The following PELI2 variants were observed in gnomAD, a reference collection of about 807,000 sequenced individuals.
The protein encoded by PELI2 is E3 ubiquitin-protein ligase pellino homolog 2.
Under a neutral mutation model 42.3 loss-of-function variants are expected in PELI2, and 23 were observed. That is an observed-to-expected ratio of 0.54 (90% CI 0.39 to 0.77). PELI2 has a LOEUF of 0.77. Ranked by LOEUF, PELI2 falls within the 30% of genes least tolerant of loss-of-function variation. The pLI, the probability that PELI2 is intolerant of heterozygous loss-of-function variation, is 0.00. For synonymous variants in PELI2, 245 were observed against 212.2 expected, an observed-to-expected ratio of 1.15 and a Z score of -1.34; for missense variants, 463 against 553.2, an observed-to-expected ratio of 0.84 and a Z score of 1.64.
chr14:56,122,580 A>G (rs1249143452), intron 1 of PELI2, among the ~76,000 whole-genome samples: 1 of 149,138 alleles, frequency 6.7e-6, no homozygotes, highest in Non-Finnish European at 1.5e-5. Context: ...AGTTGAATGG[A>G]TAATGCATTT....
intron 2 of PELI2, among the ~76,000 whole-genome samples, chr14:56,276,187 A>G (rs1205902622): frequency 1.3e-5 from 2 of 152,192 alleles, no homozygotes; most frequent in African/African-American, 2.4e-5. Flanking sequence ...GGAAAGTGAA[A>G]ATTGATCTCA....
chr14:56,169,093 T>C (rs372132675), intron 1 of PELI2, among the ~76,000 whole-genome samples: 2 of 152,290 alleles, frequency 1.3e-5, no homozygotes, highest in Middle Eastern at 3.4e-3. Context: ...CTCTCTTCAG[T>C]TGGACAGAAG....
intron 1 of PELI2, among the ~76,000 whole-genome samples, chr14:56,147,689 A>G (rs1884180930): frequency 6.6e-6 from 1 of 152,256 alleles, no homozygotes; most frequent in Admixed American, 6.5e-5. Context: ...GGCTAAAACA[A>G]CATCGTTATA....
chr14:56,155,182 A>G (rs1341936666), intron 1 of PELI2, among the ~76,000 whole-genome samples: 2 of 150,760 alleles, frequency 1.3e-5, no homozygotes, highest in African/African-American at 4.9e-5. Context: ...GTAATTTTAT[A>G]ATTTTTGATA....
intron 3 of PELI2, among the ~76,000 whole-genome samples, chr14:56,282,424 G>T (rs1321514024): frequency 6.6e-6 from 1 of 151,814 alleles, no homozygotes; most frequent in Non-Finnish European, 1.5e-5. Flanking sequence ...ATGGTAAAAT[G>T]GTTTAAATCA....
chr14:56,180,728 C>G lies in PELI2; in HGVS notation c.207+2264C>G, dbSNP rs1566623464. ...TGGCACCTTCTACCTTGGCGCCCCC[C>G]ATCTACCTCTTCCGCCCCTTACTCC... is the stretch of plus-strand genomic sequence containing the variant. On this transcript the variant is annotated intron_variant, in intron 2 of 5. Transcript: ENST00000267460. The surrounding 1 kb of genome is among the most constrained non-coding windows in gnomAD (Gnocchi z 4.4). Among the ~76,000 whole-genome samples the G allele has an allele frequency of 6.6e-6, 1 of 151,756 alleles. No homozygotes were observed. Among genetic ancestry groups the G allele is most frequent in the Non-Finnish European group, 1.5e-5 (1 of 67,918 alleles).
intron 2 of PELI2, among the ~76,000 whole-genome samples, chr14:56,257,255 G>A (rs1888558119): frequency 6.6e-6 from 1 of 152,184 alleles, no homozygotes; most frequent in Non-Finnish European, 1.5e-5. Flanking sequence ...CATAGAAGAT[G>A]ATCCTACCCC....
intron 2 of PELI2, among the ~76,000 whole-genome samples, chr14:56,193,210 G>GAGGC (rs1264932714): frequency 6.6e-6 from 1 of 152,182 alleles, no homozygotes; most frequent in Non-Finnish European, 1.5e-5. Flanking sequence ...CCCAGAGTTG[G>GAGGC]AGGCACATTT....
chr14:56,240,045 C>G (rs941325520), intron 2 of PELI2, among the ~76,000 whole-genome samples: 1 of 152,180 alleles, frequency 6.6e-6, no homozygotes, highest in Non-Finnish European at 1.5e-5. Flanking sequence ...CCTCTGGGAA[C>G]TTCCAGTCCC....
rs561288052 is a variant in PELI2, at chr14:56,178,548, G to A, written c.207+84G>A. 5.2e-5 allele frequency: 75 copies of A among 1,441,808 alleles called. 1 individual carries two copies. The highest frequency in any genetic ancestry group is 1.3e-4 in the South Asian group (11 of 84,552). 89.3% of individuals were successfully genotyped at this position (1,441,808 alleles called of 1,614,324 possible). A position where few individuals can be genotyped will look rare whatever the true frequency, so the allele number is the denominator to read the frequency against. ...CTTGTCCGCTGCTCTCTTTCCTTTC[G>A]TCTTTTCATGTAGGACAGTCTCTCA... On this transcript the variant is annotated intron_variant, in intron 2 of 5. Transcript: ENST00000267460.
In PELI2 at chr14:56,173,855, A is replaced by G. The variant is rs549787092; in HGVS notation, c.78-4480A>G. On this transcript the variant is annotated intron_variant, in intron 1 of 5. Transcript: ENST00000267460. ...ATCTTGAGATCCTGGGCTTAATTAC[A>G]TCTGCAAACACCGCTTTTCCAAAAG... Among the ~76,000 whole-genome samples, 7 of 152,330 alleles carry G rather than the reference A, an allele frequency of 4.6e-5. No individual in the cohort carries two copies. In the South Asian group the frequency reaches 1.4e-3, roughly 32 times the overall value.
chr14:56,209,858 A>G (rs1329378160), intron 2 of PELI2, among the ~76,000 whole-genome samples: 2 of 152,242 alleles, frequency 1.3e-5, no homozygotes, highest in South Asian at 4.1e-4. Context: ...ACTGGTTTTC[A>G]AAGAACTGGG....
chr14:56,286,114 A>C (rs755359814), intron 3 of PELI2, among the ~76,000 whole-genome samples: 1 of 152,216 alleles, frequency 6.6e-6, no homozygotes, highest in Non-Finnish European at 1.5e-5. Flanking sequence ...TCCTTTAACC[A>C]CAGAGTTTGA....
intron 1 of PELI2, among the ~76,000 whole-genome samples, chr14:56,120,239 A>C (rs1883012613): frequency 6.6e-6 from 1 of 152,152 alleles, no homozygotes; most frequent in Non-Finnish European, 1.5e-5. Flanking sequence ...AGCCCAACCT[A>C]ATCTTGTGGA....
intron 2 of PELI2, among the ~76,000 whole-genome samples, chr14:56,183,061 C>T (rs1885643539): frequency 6.6e-6 from 1 of 152,054 alleles, no homozygotes; most frequent in African/African-American, 2.4e-5. Context: ...TCTTTGGTTT[C>T]TTTCATTGTT....
intron 2 of PELI2, among the ~76,000 whole-genome samples, chr14:56,275,344 G>A (rs1356283473): frequency 1.3e-5 from 2 of 152,142 alleles, no homozygotes; most frequent in African/African-American, 4.8e-5. Context: ...GAGGCACATG[G>A]TTTTGGGATG....
At chr14:56,290,566 C>A in intron 5 of PELI2, 110 bp downstream of exon 5, 1 of 676,964 alleles carries the variant, frequency 1.5e-6, no homozygotes, top group South Asian at 3.5e-5. Flanking sequence ...GTCCAAGCGC[C>A]ATGTACTGTA....
chr14:56,122,746 A>G (rs960922563), intron 1 of PELI2, among the ~76,000 whole-genome samples: 4 of 152,218 alleles, frequency 2.6e-5, no homozygotes, highest in Non-Finnish European at 4.4e-5. Context: ...TGATATTCAA[A>G]CTGCAGTTTA....
At chr14:56,249,459 T>A (rs1888271041) in intron 2 of PELI2, among the ~76,000 whole-genome samples, 1 of 152,184 alleles carries the variant, frequency 6.6e-6, no homozygotes, top group Non-Finnish European at 1.5e-5. Context: ...AGCCTCAGCA[T>A]CCCCACCAAA....
Sources: gnomAD v4.1 joint callset for allele counts (sites outside exome capture counted in the v4.1 genomes callset) on GRCh38, gnomAD v4.1.1 for gene constraint, Gnocchi (gnomAD v3.1) non-coding constraint, MANE v1.5 for transcripts, NCBI Gene and HGNC (gene_info 2026-07-23, HGNC 2026-07-21) for gene names.